The following LRRC32 variants were observed in gnomAD, a reference collection of about 807,000 sequenced individuals.
LRRC32 encodes transforming growth factor beta activator LRRC32.
LRRC32 carries 5 observed loss-of-function variants against 15.0 expected under a neutral mutation model. The ratio of observed to expected loss-of-function variants is 0.33; its 90% CI spans 0.17 to 0.70. The LOEUF (loss-of-function observed/expected upper bound fraction) is 0.70, where lower values mean the gene tolerates loss of function less well. Among genes scored for constraint, LRRC32 ranks in the 30% least tolerant of loss-of-function variants. The pLI is 0.66. For missense variants in LRRC32, 803 were observed against 854.2 expected (o/e 0.94, Z 0.75); for synonymous variants, 391 against 403.9 (o/e 0.97, Z 0.38).
At chr11:76,667,921 G>A (rs2120108614) in intron 1 of LRRC32, among the ~76,000 whole-genome samples, 1 of 152,346 alleles carries the variant, frequency 6.6e-6, no homozygotes, top group South Asian at 2.1e-4. Flanking sequence ...TGGGGTCCCA[G>A]CTTAGATGGG....
At chr11:76,661,905 C>G (rs1293342790) in intron 2 of LRRC32, among the ~76,000 whole-genome samples, 1 of 152,150 alleles carries the variant, frequency 6.6e-6, no homozygotes. Flanking sequence ...AGAGCTGGGA[C>G]CCAGGGCTCC....
At chr11:76,666,535 T>C (rs1952629869) in intron 1 of LRRC32, among the ~76,000 whole-genome samples, 1 of 152,230 alleles carries the variant, frequency 6.6e-6, no homozygotes, top group African/African-American at 2.4e-5. Context: ...GCCCGGGCCT[T>C]GGCAGGAAGT....
rs769169580 is a variant in LRRC32 at position 76,661,110 on chromosome 11, C to T, written c.483G>A (p.Leu161=). The change falls in exon 3 of 3, where the codon CTG becomes CTA. Residue 161 remains leucine (L), a synonymous_variant. Transcript: ENST00000260061. ...GGAAGGTGTGGCGGGTGAGGCGAGT[C>T]AGACTGTTCTCCGCCAGTGAGAGGG... ...LHTLSLAENS[L]TRLTRHTFRD... 3 of 1,613,934 alleles carry T rather than the reference C, an allele frequency of 1.9e-6. No individual in the cohort carries two copies. Among genetic ancestry groups the T allele is most frequent in the Non-Finnish European group, 2.5e-6 (3 of 1,180,006 alleles).
In LRRC32 at chr11:76,659,751, A is replaced by G; in HGVS notation, c.1842T>C (p.Arg614=). Residue 614 remains arginine, a synonymous_variant, in exon 3 of 3, where the codon CGT becomes CGC. Transcript: ENST00000260061. ...SQEEVSLSHV[R]PEDCEKGGLK... is the part of the protein sequence containing the mutation. Reference sequence around the variant, plus strand: ...GTCCCCCCTTCTCACAGTCCTCGGGACGCACGTGGCTCAGGGACACCTCCT... The same window carrying G: ...GTCCCCCCTTCTCACAGTCCTCGGGGCGCACGTGGCTCAGGGACACCTCCT... 6.2e-7 allele frequency: 1 copy of G among 1,614,134 alleles called. No homozygotes were observed. The highest frequency in any genetic ancestry group is 8.5e-7 in the Non-Finnish European group (1 of 1,180,004).
intron 1 of LRRC32, among the ~76,000 whole-genome samples, chr11:76,666,597 C>A (rs930010722): frequency 6.6e-6 from 1 of 152,222 alleles, no homozygotes; most frequent in Non-Finnish European, 1.5e-5. Flanking sequence ...TCCCCAGGAG[C>A]AGCCTGGCAG....
chr11:76,659,697 G>A lies in LRRC32; in HGVS notation c.1896C>T (p.Leu632=), dbSNP rs929029369. ...GLKNINLIII[L]TFILVSAILL... ...GGATGGCAGAGACCAGTATGAAGGT[G>A]AGGATGATGATGAGGTTGATGTTCT... Residue 632 remains leucine, a synonymous_variant, in exon 3 of 3, where the codon CTC becomes CTT. Transcript: ENST00000260061. The A allele has an allele frequency of 5.8e-5, 93 of 1,614,090 alleles. No individual in the cohort carries two copies. The highest frequency in any genetic ancestry group is 7.8e-5 in the Non-Finnish European group (92 of 1,180,030).
In LRRC32 at chr11:76,660,691, G is replaced by A; in HGVS notation, c.902C>T (p.Pro301Leu). 1 of 1,614,120 alleles carries A rather than the reference G, an allele frequency of 6.2e-7. No homozygotes were observed. The highest frequency in any genetic ancestry group is 8.5e-7 in the Non-Finnish European group (1 of 1,180,002). The change falls in exon 3 of 3, where the codon CCC becomes CTC. Residue 301 changes from proline to leucine, a missense_variant. Pro to Leu is a moderately conservative substitution (Grantham distance 98, BLOSUM62 -3). Coordinates refer to ENST00000260061, the MANE Select transcript of LRRC32 (RefSeq NM_001128922.2). ...GGCATTCCCGCTGGGGGCTGAGAGG[G>A]GCAGGGCTGACCAGCCCTCGGAAGG... ...HAPSEGWSALPLSAPSGNASG... is the reference protein window; with the variant it reads ...HAPSEGWSALLLSAPSGNASG...
chr11:76,669,307 C>T (rs1195590899), intron 1 of LRRC32, among the ~76,000 whole-genome samples: 1 of 149,916 alleles, frequency 6.7e-6, no homozygotes, highest in South Asian at 2.1e-4. Flanking sequence ...GCAGGAGAGT[C>T]GGACTCTCAG....
In LRRC32 at chr11:76,660,306, A is replaced by C; in HGVS notation, c.1287T>G (p.Asp429Glu). ...GNRVSPCGGP[D>E]EPGPSGCVAF... ...CCACACAGCCGGAGGGGCCAGGCTC[A>C]TCTGGCCCCCCACAGGGGCTGACTC... The change falls in exon 3 of 3, where the codon GAT becomes GAG. Residue 429 changes from aspartate to glutamate, a missense_variant. Physicochemically the swap from Asp to Glu is conservative, Grantham distance 45. Transcript: ENST00000260061. 6.3e-7 allele frequency: 1 copy of C among 1,597,122 alleles called. No individual in the cohort carries two copies. The highest frequency in any genetic ancestry group is 1.1e-5 in the South Asian group (1 of 88,060).
chr11:76,666,509 A>G (rs1952629198), intron 1 of LRRC32, among the ~76,000 whole-genome samples: 2 of 152,144 alleles, frequency 1.3e-5, no homozygotes. Context: ...AGCCCTTGCC[A>G]TTGTTCAAGG....
chr11:76,664,262 G>A (rs1214805091), intron 2 of LRRC32, among the ~76,000 whole-genome samples: 1 of 152,232 alleles, frequency 6.6e-6, no homozygotes, highest in Non-Finnish European at 1.5e-5. Flanking sequence ...GCCTGATGGT[G>A]GGCAGGGCTG....
Position 76,659,871 on chromosome 11 carries a change from G to C in LRRC32, c.1722C>G (p.Ser574Arg). ...CTGCCAGCCAGCCATTGCCGCAGCAGCTGAGTGGATTCCCCTGCAGGTAGA... is the reference window on the plus strand; with the variant it reads ...CTGCCAGCCAGCCATTGCCGCAGCACCTGAGTGGATTCCCCTGCAGGTAGA... The part of the protein sequence containing the change: ...RRLYLQGNPL[S>R]CCGNGWLAAQ... The change falls in exon 3 of 3, where the codon AGC (serine) becomes AGG (arginine). Residue 574 changes from serine to arginine, a missense_variant. Ser to Arg is a moderately radical substitution (Grantham distance 110, BLOSUM62 -1). Transcript: ENST00000260061. 6.2e-7 allele frequency: 1 copy of C among 1,614,034 alleles called. No individual in the cohort carries two copies. The highest frequency in any genetic ancestry group is 1.7e-4 in the Middle Eastern group (1 of 6,032).
chr11:76,660,558 G>A lies in LRRC32; in HGVS notation c.1035C>T (p.Asn345=), dbSNP rs762844898. The change falls in exon 3 of 3, where the codon AAC becomes AAT. Residue 345 remains asparagine (N), a synonymous_variant. Transcript: ENST00000260061. ...LEHLTSLCFL[N]LSRNCLRTFE... is the part of the protein sequence containing the mutation. ...AGGTCCGCAAGCAGTTTCTGCTGAGGTTCAGGAAGCACAGGGAGGTCAGGT... is the reference window on the plus strand; with the variant it reads ...AGGTCCGCAAGCAGTTTCTGCTGAGATTCAGGAAGCACAGGGAGGTCAGGT... The A allele has an allele frequency of 3.1e-6, 5 of 1,614,222 alleles. No individual in the cohort carries two copies. Among genetic ancestry groups the A allele is most frequent in the Non-Finnish European group, 4.2e-6 (5 of 1,180,048 alleles).
chr11:76,670,213 C>T (rs1032086918), intron 1 of LRRC32, among the ~76,000 whole-genome samples: 2 of 152,170 alleles, frequency 1.3e-5, no homozygotes, highest in Non-Finnish European at 2.9e-5. Context: ...CCCTACCCCA[C>T]TACGAGAAAT....
In LRRC32 at chr11:76,661,009, C is replaced by G; in HGVS notation, c.584G>C (p.Gly195Ala). Reference sequence around the variant, plus strand: ...GTTGAGATGGGTCAGGCGGGGCAGACCCTCGAAGGCGCCATCCTCGATGTC... The same window carrying G: ...GTTGAGATGGGTCAGGCGGGGCAGAGCCTCGAAGGCGCCATCCTCGATGTC... ...LMDIEDGAFEGLPRLTHLNLS... is the reference protein window; with the variant it reads ...LMDIEDGAFEALPRLTHLNLS... Residue 195 changes from glycine (G) to alanine (A), a missense_variant, in exon 3 of 3, where the codon GGT becomes GCT. By Grantham distance (60) the Gly-to-Ala change is moderately conservative (BLOSUM62 0). Coordinates refer to ENST00000260061, the MANE Select transcript of LRRC32 (RefSeq NM_001128922.2). 6.2e-7 allele frequency: 1 copy of G among 1,614,114 alleles called. No individual in the cohort carries two copies. Among genetic ancestry groups the G allele is most frequent in the Middle Eastern group, 1.6e-4 (1 of 6,062 alleles).
chr11:76,659,687 G>C lies in LRRC32; in HGVS notation c.1906C>G (p.Leu636Val), dbSNP rs2120037057. The C allele has an allele frequency of 1.2e-6, 2 of 1,614,188 alleles. No individual in the cohort carries two copies. Among genetic ancestry groups the C allele is most frequent in the Admixed American group, 3.3e-5 (2 of 60,034 alleles). The change falls in exon 3 of 3, where the codon CTG becomes GTG. Residue 636 changes from leucine (L) to valine (V), a missense_variant. By Grantham distance (32) the Leu-to-Val change is conservative (BLOSUM62 1). Coordinates refer to ENST00000260061, the MANE Select transcript of LRRC32 (RefSeq NM_001128922.2). The stretch of plus-strand genomic sequence containing the variant: ...GTGGTGAGGAGGATGGCAGAGACCA[G>C]TATGAAGGTGAGGATGATGATGAGG... The part of the protein sequence containing the change: ...INLIIILTFI[L>V]VSAILLTTLA...
Position 76,660,817 on chromosome 11 carries a change from G to C in LRRC32, c.776C>G (p.Pro259Arg), listed in dbSNP as rs1282178850. Reference sequence around the variant, plus strand: ...GAGTCTCGGGAGCGCGGCCAGGTCGGGGAAATGGAGCAGTTTGTTCTCCCG... The same window carrying C: ...GAGTCTCGGGAGCGCGGCCAGGTCGCGGAAATGGAGCAGTTTGTTCTCCCG... Reference protein sequence around the residue: ...DLRENKLLHFPDLAALPRLIY... With the variant: ...DLRENKLLHFRDLAALPRLIY... Residue 259 changes from proline (P) to arginine (R), a missense_variant, in exon 3 of 3, where the codon CCC (proline) becomes CGC (arginine). Coordinates refer to ENST00000260061, the MANE Select transcript of LRRC32 (RefSeq NM_001128922.2). 1.2e-6 allele frequency: 2 copies of C among 1,614,078 alleles called. No individual in the cohort carries two copies. The highest frequency in any genetic ancestry group is 1.7e-6 in the Non-Finnish European group (2 of 1,180,046).
rs754208097 is a variant in LRRC32 at position 76,660,193 on chromosome 11, G to A, written c.1400C>T (p.Pro467Leu). 4 of 1,584,334 alleles carry A rather than the reference G, an allele frequency of 2.5e-6. No homozygotes were observed. The Admixed American group carries it at 7.3e-5, about 29-fold the overall frequency. ...GGAAGAAAGGTCCAGCTCAGTCAGT[G>A]GGGTGTGGAGGAAGGCCCCTGCCCT... ...LLRAGAFLHT[P>L]LTELDLSSNP... The change falls in exon 3 of 3, where the codon CCA becomes CTA. Residue 467 changes from proline (P) to leucine (L), a missense_variant. Pro to Leu is a moderately conservative substitution (Grantham distance 98). Transcript: ENST00000260061.
chr11:76,661,147 G>C lies in LRRC32; in HGVS notation c.446C>G (p.Pro149Arg). The change falls in exon 3 of 3, where the codon CCC becomes CGC. Residue 149 changes from proline to arginine, a missense_variant. By Grantham distance (103) the Pro-to-Arg change is moderately radical. Transcript: ENST00000260061. The part of the protein sequence containing the change: ...GLLERLLGEA[P>R]SLHTLSLAEN... ...CGCCAGTGAGAGGGTATGCAGGCTG[G>C]GTGCCTCCCCCAGCAGCCGCTCCAG... 1 of 1,613,854 alleles carries C rather than the reference G, an allele frequency of 6.2e-7. No individual in the cohort carries two copies. Among genetic ancestry groups the C allele is most frequent in the South Asian group, 1.1e-5 (1 of 91,082 alleles).
Sources: allele counts gnomAD v4.1 joint callset (sites outside exome capture counted in the v4.1 genomes callset), GRCh38; gene constraint gnomAD v4.1.1; transcripts MANE v1.5; gene names NCBI Gene and HGNC (gene_info 2026-07-23, HGNC 2026-07-21).